Variants in COLEC12 observed in about 807,000 individuals in gnomAD.
COLEC12 encodes collectin subfamily member 12.
COLEC12 carries 33 observed loss-of-function variants against 71.1 expected under a neutral mutation model. That is an observed-to-expected ratio of 0.46 (90% CI 0.35 to 0.62). The LOEUF is 0.62. COLEC12 is among the 20% of genes least tolerant of loss of function. COLEC12 has a pLI of 0.00. For missense variants in COLEC12, 765 were observed against 916.1 expected, an observed-to-expected ratio of 0.84 and a Z score of 2.13; for synonymous variants, 350 against 353.0, an observed-to-expected ratio of 0.99 and a Z score of 0.10.
intron 2 of COLEC12, among the ~76,000 whole-genome samples, chr18:389,618 T>C (rs1915420805): frequency 6.6e-6 from 1 of 151,722 alleles, no homozygotes; most frequent in South Asian, 2.1e-4. Flanking sequence ...TATAGCACTA[T>C]ATATACTGAA....
At chr18:325,892 A>G (rs646059) in intron 8 of COLEC12, among the ~76,000 whole-genome samples, 148,278 of 152,020 alleles carry the variant, frequency 0.98, 72,415 homozygotes, top group East Asian at 1. Context: ...TCGAACTCCT[A>G]GGCTCAAGCA....
At chr18:468,295 AAT>A in intron 2 of COLEC12, among the ~76,000 whole-genome samples, 1 of 152,226 alleles carries the variant, frequency 6.6e-6, no homozygotes, top group Admixed American at 6.5e-5. Flanking sequence ...GCAGTAGCAG[AAT>A]AGATTCTTGA....
chr18:321,861 T>C (rs1176390596), intron 8 of COLEC12, 54 bp from the exon 9 acceptor site: 1 of 1,539,592 alleles, frequency 6.5e-7, no homozygotes, highest in African/African-American at 1.4e-5. Context: ...AGAGCTTTTC[T>C]TTACTCAAGA....
intron 8 of COLEC12, 122 bp downstream of exon 8, chr18:331,546 C>T (rs609224): frequency 0.14 from 80,489 of 569,470 alleles, 6,799 homozygotes; most frequent in South Asian, 0.19. Context: ...CCAGGAGCCC[C>T]GGTTTGGGAG....
At position 318,174 on chromosome 18, in the gene COLEC12, G is replaced by A. The variant is rs1351012252; in HGVS notation, c.*1871C>T. The A allele has an allele frequency of 6.6e-6, 1 of 151,804 alleles. No homozygotes were observed. The highest frequency in any genetic ancestry group is 1.5e-5 in the Non-Finnish European group (1 of 67,948). 9.4% of individuals were successfully genotyped at this position (151,804 alleles called of 1,614,324 possible). The stretch of plus-strand genomic sequence containing the variant: ...TTTTTGTATTTTTAGTAGAGACGGG[G>A]TTTCACCGTGTTAGCCAGGATGGTC... On this transcript the variant is annotated 3_prime_UTR_variant, in exon 10 of 10. Coordinates refer to ENST00000400256, the MANE Select transcript of COLEC12 (RefSeq NM_130386.3).
chr18:405,663 C>A (rs1306965371), intron 2 of COLEC12, among the ~76,000 whole-genome samples: 1 of 152,176 alleles, frequency 6.6e-6, no homozygotes, highest in Non-Finnish European at 1.5e-5. Context: ...TCACGCTGAT[C>A]CATTCATGGC....
At chr18:363,711 T>C (rs1049921838) in intron 2 of COLEC12, among the ~76,000 whole-genome samples, 12 of 152,342 alleles carry the variant, frequency 7.9e-5, no homozygotes, top group South Asian at 4.1e-4. Flanking sequence ...GCAATATCAC[T>C]GGAACAAAAG....
chr18:320,721 A>G (rs1392759344), intron 9 of COLEC12, among the ~76,000 whole-genome samples: 1 of 152,236 alleles, frequency 6.6e-6, no homozygotes, highest in East Asian at 1.9e-4. Flanking sequence ...CACCCCAAAA[A>G]GAAACCCCAT....
chr18:353,403 A>T (rs1475261518), intron 3 of COLEC12, among the ~76,000 whole-genome samples: 1 of 152,204 alleles, frequency 6.6e-6, no homozygotes, highest in African/African-American at 2.4e-5. Context: ...CTTGTCAGTG[A>T]CTATGTGGGA....
intron 2 of COLEC12, among the ~76,000 whole-genome samples, chr18:425,351 C>A (rs1010935104): frequency 4.6e-5 from 7 of 152,146 alleles, no homozygotes; most frequent in African/African-American, 1.4e-4. Flanking sequence ...GCCCCTCCCA[C>A]CCAGGGCTCA....
intron 2 of COLEC12, among the ~76,000 whole-genome samples, chr18:389,641 C>T (rs927295181): frequency 6.6e-6 from 1 of 151,938 alleles, no homozygotes; most frequent in Non-Finnish European, 1.5e-5. Flanking sequence ...GAAAACTCTC[C>T]AAGATACTGT....
At chr18:447,349 T>C (rs2621188) in intron 2 of COLEC12, among the ~76,000 whole-genome samples, 75,045 of 152,040 alleles carry the variant, frequency 0.49, 18,791 homozygotes, top group South Asian at 0.55. Flanking sequence ...TCAGAGGCAA[T>C]TGGACATCCC....
intron 1 of COLEC12, among the ~76,000 whole-genome samples, chr18:486,258 T>G (rs1048113596): frequency 6.6e-6 from 1 of 152,202 alleles, no homozygotes; most frequent in Non-Finnish European, 1.5e-5. Flanking sequence ...CCATCTCAGC[T>G]CACTGCAACC....
At chr18:363,918 C>T (rs1001534789) in intron 2 of COLEC12, among the ~76,000 whole-genome samples, 6 of 152,122 alleles carry the variant, frequency 3.9e-5, no homozygotes, top group African/African-American at 9.7e-5. Context: ...GCCATGAAAA[C>T]GGAAGCAGGA....
At chr18:498,540 T>C (rs1917757776) in intron 1 of COLEC12, among the ~76,000 whole-genome samples, 1 of 152,004 alleles carries the variant, frequency 6.6e-6, no homozygotes, top group South Asian at 2.1e-4. Context: ...TTTGTATTTT[T>C]AGTAAAGACA....
intron 2 of COLEC12, among the ~76,000 whole-genome samples, chr18:369,802 C>T (rs961233818): frequency 1.3e-5 from 2 of 152,150 alleles, no homozygotes; most frequent in African/African-American, 2.4e-5. Flanking sequence ...CCACCCTGAA[C>T]GTGCACTTCC....
At chr18:357,341 T>C (rs543800617) in intron 3 of COLEC12, 59 bp downstream of exon 3, 4 of 1,517,576 alleles carry the variant, frequency 2.6e-6, no homozygotes, top group East Asian at 2.3e-5. Flanking sequence ...AGTTTTCTCA[T>C]GCTTAAATTA....
At chr18:432,439 G>A (rs1916322546) in intron 2 of COLEC12, among the ~76,000 whole-genome samples, 1 of 152,164 alleles carries the variant, frequency 6.6e-6, no homozygotes, top group South Asian at 2.1e-4. Flanking sequence ...ACTTCATTTA[G>A]TCTGACTGGG....
At chr18:366,257 G>A (rs544320412) in intron 2 of COLEC12, among the ~76,000 whole-genome samples, 3 of 152,284 alleles carry the variant, frequency 2.0e-5, no homozygotes, top group South Asian at 4.1e-4. Flanking sequence ...TTTTAAGTAT[G>A]GTGTGTCTGG....
Sources: gnomAD v4.1 joint callset for allele counts (sites outside exome capture counted in the v4.1 genomes callset) on GRCh38, gnomAD v4.1.1 for gene constraint, MANE v1.5 for transcripts, NCBI Gene and HGNC (gene_info 2026-07-23, HGNC 2026-07-21) for gene names.